The following SAMD4A variants were observed in gnomAD, a reference collection of about 807,000 sequenced individuals.
The protein encoded by SAMD4A is protein Smaug homolog 1.
Under a neutral mutation model 81.3 loss-of-function variants are expected in SAMD4A, and 33 were observed. The ratio of observed to expected loss-of-function variants is 0.41; its 90% confidence interval spans 0.31 to 0.54. The LOEUF (loss-of-function observed/expected upper bound fraction) is 0.54. Among genes scored for constraint, SAMD4A ranks in the 20% least tolerant of loss-of-function variants. The pLI is 0.37. For synonymous variants in SAMD4A, 389 were observed against 382.1 expected, an observed-to-expected ratio of 1.02 and a Z score of -0.21; for missense variants, 854 against 951.1, an observed-to-expected ratio of 0.90 and a Z score of 1.34.
intron 2 of SAMD4A, among the ~76,000 whole-genome samples, chr14:54,596,274 A>G (rs560653320): frequency 1.3e-3 from 199 of 152,030 alleles, no homozygotes; most frequent in African/African-American, 4.6e-3. Flanking sequence ...CGCCATCACC[A>G]CTCCTAGTCC....
chr14:54,592,344 A>G (rs938077553), intron 2 of SAMD4A, among the ~76,000 whole-genome samples: 1 of 152,170 alleles, frequency 6.6e-6, no homozygotes, highest in African/African-American at 2.4e-5. Flanking sequence ...GCATCTGGCA[A>G]GCTCACACAC....
intron 3 of SAMD4A, among the ~76,000 whole-genome samples, chr14:54,715,760 A>G (rs1348457759): frequency 6.6e-6 from 1 of 152,186 alleles, no homozygotes; most frequent in African/African-American, 2.4e-5. Flanking sequence ...AGCCTGGAAT[A>G]ATAATGCTAA....
chr14:54,643,755 G>C (rs1188883961), intron 2 of SAMD4A, among the ~76,000 whole-genome samples: 1 of 152,198 alleles, frequency 6.6e-6, no homozygotes, highest in Non-Finnish European at 1.5e-5. Flanking sequence ...TTTTTGTTAA[G>C]GAAGTCACAG....
At chr14:54,598,899 C>T (rs2033983226) in intron 2 of SAMD4A, among the ~76,000 whole-genome samples, 2 of 152,008 alleles carry the variant, frequency 1.3e-5, no homozygotes, top group East Asian at 1.9e-4. Context: ...CAGCTCACTG[C>T]AGCCTCAGTC....
chr14:54,687,474 C>T (rs986233602), intron 2 of SAMD4A: 5 of 413,840 alleles, frequency 1.2e-5, no homozygotes, highest in Admixed American at 1.2e-4. Context: ...AGCCAAAAAA[C>T]AATATCTAGA....
chr14:54,688,529 G>T (rs149749263), intron 2 of SAMD4A, among the ~76,000 whole-genome samples: 1 of 152,184 alleles, frequency 6.6e-6, no homozygotes, highest in African/African-American at 2.4e-5. Context: ...AAACCCAAAC[G>T]GGCCAAATCG....
rs1370755798 is a variant in SAMD4A, at chr14:54,790,477, A to C, written c.*1533A>C. 3 of 152,242 alleles carry C rather than the reference A, an allele frequency of 2.0e-5. No homozygotes were observed. In the East Asian group the frequency reaches 5.8e-4, roughly 29 times the overall value. The allele number at this position is 152,242 out of a possible 1,614,324, so 9.4% of individuals were successfully genotyped here. A position where few individuals can be genotyped will look rare whatever the true frequency, so the allele number is the denominator to read the frequency against. Reference sequence around the variant, plus strand: ...TGAGAAACTGTGGTACCTACCACAAAGTAATAGCTCTGTTTATGAAGGGCA... The same window carrying C: ...TGAGAAACTGTGGTACCTACCACAACGTAATAGCTCTGTTTATGAAGGGCA... On this transcript the variant is annotated 3_prime_UTR_variant, in exon 13 of 13. Coordinates refer to ENST00000554335, the MANE Select transcript of SAMD4A (RefSeq NM_015589.6).
rs192575154 is a variant in SAMD4A at position 54,742,696 on chromosome 14, C to T, written c.979+5409C>T. 6.2e-3 allele frequency among the ~76,000 whole-genome samples: 948 copies of T among 152,236 alleles called. 11 individuals carry two copies. The highest frequency in any genetic ancestry group is 0.022 in the African/African-American group (901 of 41,498). ...CTTCAGCCTCACTGTTACGAATCAACACCAACTGAGTATGCTTATGATGTT... is the reference window on the plus strand; with the variant it reads ...CTTCAGCCTCACTGTTACGAATCAATACCAACTGAGTATGCTTATGATGTT... On this transcript the variant is annotated intron_variant, in intron 4 of 12. Transcript: ENST00000554335.
At position 54,568,001 on chromosome 14, in the gene SAMD4A, C is replaced by G. The variant is rs766343520; in HGVS notation, c.85C>G (p.Leu29Val). The G allele has an allele frequency of 6.2e-7, 1 of 1,608,986 alleles. No individual in the cohort carries two copies. The highest frequency in any genetic ancestry group is 8.5e-7 in the Non-Finnish European group (1 of 1,179,594). Reference sequence around the variant, plus strand: ...CGAGCAGACTGTTGCGCTGCTGTCGCTGCTCAAGCGCGTGAGCCAGACCCA... The same window carrying G: ...CGAGCAGACTGTTGCGCTGCTGTCGGTGCTCAAGCGCGTGAGCCAGACCCA... Reference protein sequence around the residue: ...ECEQTVALLSLLKRVSQTQAR... With the variant: ...ECEQTVALLSVLKRVSQTQAR... The change falls in exon 2 of 13, where the codon CTG (leucine) becomes GTG (valine). Residue 29 changes from leucine to valine, a missense_variant. By Grantham distance (32) the Leu-to-Val change is conservative. Transcript: ENST00000554335.
intron 2 of SAMD4A, among the ~76,000 whole-genome samples, chr14:54,579,518 A>G (rs530324247): frequency 6.6e-6 from 1 of 152,358 alleles, no homozygotes; most frequent in East Asian, 1.9e-4. Flanking sequence ...TTTTAATGGT[A>G]GTTTTAATAA....
intron 2 of SAMD4A, among the ~76,000 whole-genome samples, chr14:54,663,169 A>C (rs1240131245): frequency 6.6e-6 from 1 of 152,228 alleles, no homozygotes. Context: ...ATAAATTATA[A>C]ATAAACAAAA....
At chr14:54,744,388 T>G (rs2037917264) in intron 4 of SAMD4A, among the ~76,000 whole-genome samples, 2 of 152,198 alleles carry the variant, frequency 1.3e-5, no homozygotes, top group East Asian at 3.8e-4. Context: ...TGTGAACTGT[T>G]GTACACACCG....
chr14:54,604,738 T>C (rs1377537636), intron 2 of SAMD4A, among the ~76,000 whole-genome samples: 2 of 152,218 alleles, frequency 1.3e-5, no homozygotes, highest in Non-Finnish European at 2.9e-5. Flanking sequence ...ACTTCTGATC[T>C]TTTTAAAATT....
At chr14:54,656,837 G>C (rs2035530504) in intron 2 of SAMD4A, among the ~76,000 whole-genome samples, 1 of 152,054 alleles carries the variant, frequency 6.6e-6, no homozygotes, top group Non-Finnish European at 1.5e-5. Flanking sequence ...TCGATCTCCT[G>C]ACCTTGTGAT....
intron 2 of SAMD4A, among the ~76,000 whole-genome samples, chr14:54,626,053 T>TGCGC (rs1245903264): frequency 4.2e-4 from 51 of 120,118 alleles, no homozygotes; most frequent in East Asian, 8.7e-4. Context: ...TGTGTGTGTG[T>TGCGC]GTGTGTGCGC....
chr14:54,673,497 A>G (rs1014964646), intron 2 of SAMD4A, among the ~76,000 whole-genome samples: 1 of 152,256 alleles, frequency 6.6e-6, no homozygotes, highest in African/African-American at 2.4e-5. Flanking sequence ...GCGTCAGCAT[A>G]GCGGGCTGCC....
intron 2 of SAMD4A, among the ~76,000 whole-genome samples, chr14:54,593,036 G>GA (rs1349217259): frequency 3.9e-5 from 6 of 152,076 alleles, no homozygotes; most frequent in African/African-American, 9.7e-5. Context: ...TTTAGACATA[G>GA]AAAAAATAGA....
chr14:54,738,131 C>G (rs2037746882), intron 4 of SAMD4A, among the ~76,000 whole-genome samples: 1 of 152,212 alleles, frequency 6.6e-6, no homozygotes, highest in Non-Finnish European at 1.5e-5. Context: ...ACAGTAACCA[C>G]TCATGCTTTG....
intron 9 of SAMD4A, among the ~76,000 whole-genome samples, chr14:54,772,387 CA>C (rs1337826180): frequency 2.6e-5 from 4 of 152,216 alleles, no homozygotes; most frequent in Non-Finnish European, 4.4e-5. Flanking sequence ...TGGTTGCCAG[CA>C]GTGGCAACCC....
Sources: allele counts gnomAD v4.1 joint callset (sites outside exome capture counted in the v4.1 genomes callset), GRCh38; gene constraint gnomAD v4.1.1; transcripts MANE v1.5; gene names NCBI Gene and HGNC (gene_info 2026-07-23, HGNC 2026-07-21).